FRMD1: variants seen among roughly 807,000 people sequenced by gnomAD.
FRMD1 encodes the protein FERM domain containing 1, also known as FERM domain-containing protein 1.
FRMD1 carries 51 observed loss-of-function variants against 54.9 expected under a neutral mutation model. The observed-to-expected ratio is 0.93, with a 90% CI of 0.74 to 1.17. FRMD1 has a LOEUF of 1.17. Ranked by LOEUF, FRMD1 falls within the 50% of genes most tolerant of loss-of-function variation. The pLI is 0.00. For synonymous variants in FRMD1, 324 were observed against 306.4 expected (o/e 1.06, Z -0.60); for missense variants, 729 against 743.0 (o/e 0.98, Z 0.22).
In FRMD1 at chr6:168,057,058, A is replaced by G; in HGVS notation, c.*39T>C. Reference sequence around the variant, plus strand: ...GTGGAAGTGGGGTGGGCAGGGGCTGAGCCTGGCGGTGCGGACGGTACTGCT... The same window carrying G: ...GTGGAAGTGGGGTGGGCAGGGGCTGGGCCTGGCGGTGCGGACGGTACTGCT... On this transcript the variant is annotated 3_prime_UTR_variant, in exon 11 of 11. Coordinates refer to ENST00000283309, the MANE Select transcript of FRMD1 (RefSeq NM_024919.6). 3 of 1,437,874 alleles carry G rather than the reference A, an allele frequency of 2.1e-6. No homozygotes were observed. Among genetic ancestry groups the G allele is most frequent in the Non-Finnish European group, 1.8e-6 (2 of 1,092,820 alleles). 89.1% of individuals were successfully genotyped at this position (1,437,874 alleles called of 1,614,324 possible). A position where few individuals can be genotyped will look rare whatever the true frequency, so the allele number is the denominator to read the frequency against.
chr6:168,088,148 G>C (rs1800953396), intron 1 of FRMD1, among the ~76,000 whole-genome samples: 1 of 152,208 alleles, frequency 6.6e-6, no homozygotes, highest in Non-Finnish European at 1.5e-5. Flanking sequence ...GAAAGCCGGG[G>C]CTGAGAGAAG....
In FRMD1 at chr6:168,065,032, A is replaced by G; in HGVS notation, c.487T>C (p.Tyr163His). ...ISDHRARHLYYCHLKERVLRS... is the reference protein window; with the variant it reads ...ISDHRARHLYHCHLKERVLRS... The stretch of plus-strand genomic sequence containing the variant: ...AGCACGCGCTCCTTCAAGTGGCAGT[A>G]GTACAGGTGCCGTGCCCTGTGGTCG... Residue 163 changes from tyrosine to histidine, a missense_variant, in exon 5 of 11, where the codon TAC (tyrosine) becomes CAC (histidine). Tyr to His is a moderately conservative substitution (Grantham distance 83, BLOSUM62 2). Transcript: ENST00000283309. 6.2e-7 allele frequency: 1 copy of G among 1,610,126 alleles called. No homozygotes were observed. The highest frequency in any genetic ancestry group is 8.5e-7 in the Non-Finnish European group (1 of 1,178,602).
At chr6:168,076,013 G>T (rs1800578738) in intron 1 of FRMD1, 1 of 852,952 alleles carries the variant, frequency 1.2e-6, no homozygotes, top group Non-Finnish European at 1.8e-6. Flanking sequence ...CGCCTGTTCA[G>T]CCCCGGCATG....
intron 4 of FRMD1, 54 bp downstream of exon 4, chr6:168,066,701 G>A: frequency 6.4e-7 from 1 of 1,561,998 alleles, no homozygotes; most frequent in Non-Finnish European, 8.7e-7. Context: ...TCCACGTCAT[G>A]CGGCAGATTT....
chr6:168,068,783 T>C (rs1800161302), intron 2 of FRMD1, among the ~76,000 whole-genome samples: 1 of 152,192 alleles, frequency 6.6e-6, no homozygotes, highest in African/African-American at 2.4e-5. Context: ...GCATTACATA[T>C]GAAGATACTC....
At chr6:168,071,983 C>T (rs1173406350) in intron 2 of FRMD1, among the ~76,000 whole-genome samples, 1 of 152,242 alleles carries the variant, frequency 6.6e-6, no homozygotes, top group East Asian at 1.9e-4. Flanking sequence ...GTGAGCTCTC[C>T]CCTTAGCATC....
rs1445250782 is a variant in FRMD1 at position 168,059,956 on chromosome 6, C to A, written c.1343-768G>T. ...AGTATAAAAAGACATGAGTCTAACC[C>A]AGGCTTTCTGATGGGAGGGAAGCTG... On this transcript the variant is annotated intron_variant, in intron 9 of 10. Transcript: ENST00000283309. This position sits in a 1 kb window ranked among gnomAD's most constrained non-coding sequence, Gnocchi z 4.4. Among the ~76,000 whole-genome samples the A allele has an allele frequency of 6.6e-6, 1 of 151,926 alleles. No homozygotes were observed. Among genetic ancestry groups the A allele is most frequent in the Non-Finnish European group, 1.5e-5 (1 of 67,978 alleles).
chr6:168,076,814 C>T (rs1800615131), intron 1 of FRMD1, among the ~76,000 whole-genome samples: 1 of 152,256 alleles, frequency 6.6e-6, no homozygotes, highest in Admixed American at 6.5e-5. Flanking sequence ...GTCTTCCCAG[C>T]CCATCCCTTT....
intron 1 of FRMD1, 41 bp from the exon 2 acceptor site, chr6:168,075,376 C>G: frequency 6.4e-7 from 1 of 1,558,090 alleles, no homozygotes; most frequent in East Asian, 2.2e-5. Context: ...GGGGCCGGCA[C>G]CTGTCCCCAG....
Position 168,059,989 on chromosome 6 carries a change from AGGGCTTCCTAGGAGTAGG to A in FRMD1, c.1342+754_1342+771del, listed in dbSNP as rs1562406130. Among the ~76,000 whole-genome samples, 6 of 150,294 alleles carry A rather than the reference AGGGCTTCCTAGGAGTAGG, an allele frequency of 4.0e-5. No homozygotes were observed. Among genetic ancestry groups the A allele is most frequent in the East Asian group, 2.0e-4 (1 of 5,008 alleles). On this transcript the variant is annotated intron_variant, in intron 9 of 10. Transcript: ENST00000283309. The surrounding 1 kb of genome is among the most constrained non-coding windows in gnomAD (Gnocchi z 4.4). ...CTGATGGGAGGGAAGCTGGTAGGACAGGGCTTCCTAGGAGTAGGGGGCTTCCTAGGAGTGGGGGGCTTC... is the reference window on the plus strand; with the variant it reads ...CTGATGGGAGGGAAGCTGGTAGGACAGGGCTTCCTAGGAGTGGGGGGCTTC...
At chr6:168,060,094 G>A (rs1416164456) in intron 9 of FRMD1, among the ~76,000 whole-genome samples, 3 of 94,316 alleles carry the variant, frequency 3.2e-5, no homozygotes, top group Non-Finnish European at 2.1e-5. Context: ...GGGCTTCTTA[G>A]GAGTGTGGGG....
intron 2 of FRMD1, among the ~76,000 whole-genome samples, chr6:168,070,480 G>C (rs1186983104): frequency 1.3e-5 from 2 of 152,114 alleles, no homozygotes; most frequent in Non-Finnish European, 2.9e-5. Context: ...TAGTCGGTTG[G>C]AGGACTAACA....
At chr6:168,060,189 C>G (rs1799644139) in intron 9 of FRMD1, among the ~76,000 whole-genome samples, 1 of 62,600 alleles carries the variant, frequency 1.6e-5, no homozygotes, top group Non-Finnish European at 3.0e-5. Flanking sequence ...GGGGGGCTTC[C>G]TGGAAGTGGG....
chr6:168,064,820 T>G, intron 5 of FRMD1, 51 bp downstream of exon 5: 1 of 1,511,260 alleles, frequency 6.6e-7, no homozygotes, highest in Non-Finnish European at 8.9e-7. Flanking sequence ...CCGGTGGAGG[T>G]GGACAGGCAC....
intron 4 of FRMD1, chr6:168,066,246 C>T (rs1458357568): frequency 1.0e-6 from 1 of 987,252 alleles, no homozygotes; most frequent in East Asian, 1.1e-4. Flanking sequence ...CACCTGTAAT[C>T]CCAGCACTTT....
Position 168,059,259 on chromosome 6 carries a change from C to T in FRMD1, c.1343-71G>A, listed in dbSNP as rs1449443945. ...GACATGGCTCCTCCCCAGGGCAGTT[C>T]CCTGCACTTCTGGGGCCCTGGTCTC... On this transcript the variant is annotated intron_variant, in intron 9 of 10. Transcript: ENST00000283309. This position sits in a 1 kb window ranked among gnomAD's most constrained non-coding sequence, Gnocchi z 4.4. The T allele has an allele frequency of 8.3e-6, 11 of 1,327,520 alleles. No homozygotes were observed. The African/African-American group carries it at 1.6e-4, about 19-fold the overall frequency. 82.2% of individuals were successfully genotyped at this position (1,327,520 alleles called of 1,614,324 possible).
At chr6:168,090,809 G>A (rs980251767) in intron 1 of FRMD1, among the ~76,000 whole-genome samples, 6 of 152,198 alleles carry the variant, frequency 3.9e-5, no homozygotes, top group African/African-American at 4.8e-5. Flanking sequence ...CACCATGCAC[G>A]GTGCTTCCAT....
intron 1 of FRMD1, 82 bp from the exon 2 acceptor site, chr6:168,075,417 G>A: frequency 8.7e-7 from 1 of 1,145,198 alleles, no homozygotes; most frequent in Non-Finnish European, 1.3e-6. Flanking sequence ...AGGCCCAGCG[G>A]GGCACCAGGT....
Position 168,067,328 on chromosome 6 carries a change from G to A in FRMD1, c.384+39C>T, listed in dbSNP as rs780847536. On this transcript the variant is annotated intron_variant, in intron 3 of 10. Coordinates refer to ENST00000283309, the MANE Select transcript of FRMD1 (RefSeq NM_024919.6). Reference sequence around the variant, plus strand: ...TCCCCGTGGCCCAGCACAGCCCACCGCGGTGCCTGCCCTCTCCCACCCGAC... The same window carrying A: ...TCCCCGTGGCCCAGCACAGCCCACCACGGTGCCTGCCCTCTCCCACCCGAC... 2.1e-5 allele frequency: 28 copies of A among 1,357,384 alleles called. 1 individual carries two copies. The highest frequency in any genetic ancestry group is 1.3e-4 in the Admixed American group (7 of 54,302). 84.1% of individuals were successfully genotyped at this position (1,357,384 alleles called of 1,614,324 possible).
Sources: allele counts gnomAD v4.1 joint callset (sites outside exome capture counted in the v4.1 genomes callset), GRCh38; gene constraint gnomAD v4.1.1; non-coding constraint Gnocchi (gnomAD v3.1); transcripts MANE v1.5; gene names NCBI Gene and HGNC (gene_info 2026-07-23, HGNC 2026-07-21).